The following FGGY variants were observed in gnomAD, a reference collection of about 807,000 sequenced individuals.
FGGY encodes the protein FGGY carbohydrate kinase domain-containing protein.
In FGGY, 72 loss-of-function variants were observed where a neutral mutation model predicts 71.3. The observed-to-expected ratio is 1.01, with a 90% CI of 0.84 to 1.23. The LOEUF (loss-of-function observed/expected upper bound fraction) is 1.23. Ranked by LOEUF, FGGY falls within the 50% of genes most tolerant of loss-of-function variation. The pLI is 0.00. For synonymous variants in FGGY, 251 were observed against 250.3 expected (o/e 1.00, Z -0.02); for missense variants, 668 against 682.3 (o/e 0.98, Z 0.23).
chr1:59,720,843 G>T (rs1276722895), intron 14 of FGGY, among the ~76,000 whole-genome samples: 1 of 152,010 alleles, frequency 6.6e-6, no homozygotes, highest in African/African-American at 2.4e-5. Flanking sequence ...TTCTTTTCAG[G>T]ACCTGCAAAG....
intron 7 of FGGY, among the ~76,000 whole-genome samples, chr1:59,537,529 G>C (rs187298724): frequency 1.5e-3 from 234 of 152,176 alleles, no homozygotes; most frequent in African/African-American, 5.4e-3. Flanking sequence ...AAAAGAGCCC[G>C]CATCACCAAG....
intron 14 of FGGY, among the ~76,000 whole-genome samples, chr1:59,694,935 AC>A (rs1220218992): frequency 1.3e-5 from 2 of 152,324 alleles, no homozygotes; most frequent in South Asian, 2.1e-4. Context: ...TCCCAAATTT[AC>A]TTGATCGAAG....
At chr1:59,699,414 G>GT (rs1202573589) in intron 14 of FGGY, 29 of 985,058 alleles carry the variant, frequency 2.9e-5, no homozygotes, top group Non-Finnish European at 3.3e-5. Context: ...GCTTCTGTTA[G>GT]TTTTGCAATA....
At chr1:59,403,129 TA>T (rs2062203153) in intron 5 of FGGY, among the ~76,000 whole-genome samples, 1 of 152,146 alleles carries the variant, frequency 6.6e-6, no homozygotes, top group Non-Finnish European at 1.5e-5. Flanking sequence ...AGTCAAAGAG[TA>T]AAAGAAGCTA....
intron 14 of FGGY, among the ~76,000 whole-genome samples, chr1:59,708,527 G>A (rs574186169): frequency 1.4e-4 from 21 of 152,272 alleles, no homozygotes; most frequent in African/African-American, 5.1e-4. Context: ...TGAGAAAGAG[G>A]AAAGGGACAA....
chr1:59,359,099 C>A (rs975284472), intron 4 of FGGY, among the ~76,000 whole-genome samples: 1 of 152,198 alleles, frequency 6.6e-6, no homozygotes, highest in East Asian at 1.9e-4. Context: ...ATCATTGGAG[C>A]TTACCTAAGT....
chr1:59,469,039 G>A (rs1288490923), intron 6 of FGGY, among the ~76,000 whole-genome samples: 2 of 152,038 alleles, frequency 1.3e-5, no homozygotes, highest in East Asian at 1.9e-4. Context: ...TTGGAATCTG[G>A]CTAGACTTTG....
chr1:59,340,813 G>GA (rs1483841168), intron 3 of FGGY, among the ~76,000 whole-genome samples: 1 of 152,156 alleles, frequency 6.6e-6, no homozygotes, highest in Non-Finnish European at 1.5e-5. Flanking sequence ...CCAGGTTTGA[G>GA]AAAAACCACT....
chr1:59,461,156 G>T (rs770787819), intron 6 of FGGY, among the ~76,000 whole-genome samples: 8 of 152,130 alleles, frequency 5.3e-5, no homozygotes, highest in Non-Finnish European at 1.0e-4. Context: ...CCATCGCAAG[G>T]AAGCTAAAAA....
chr1:59,401,019 T>C (rs1378810872), intron 5 of FGGY, among the ~76,000 whole-genome samples: 1 of 152,186 alleles, frequency 6.6e-6, no homozygotes, highest in African/African-American at 2.4e-5. Context: ...TTATAATATC[T>C]CATTTTAGTA....
chr1:59,572,823 T>G (rs938596619), intron 8 of FGGY, among the ~76,000 whole-genome samples: 1 of 152,212 alleles, frequency 6.6e-6, no homozygotes, highest in Non-Finnish European at 1.5e-5. Flanking sequence ...TAGAGATATC[T>G]GGAGAGAGAG....
chr1:59,628,182 C>T (rs985915866), intron 10 of FGGY, among the ~76,000 whole-genome samples: 2 of 152,086 alleles, frequency 1.3e-5, no homozygotes, highest in Non-Finnish European at 2.9e-5. Flanking sequence ...TGGCAGACAC[C>T]ACCTTACCCA....
chr1:59,534,024 A>C (rs555057320), intron 7 of FGGY, among the ~76,000 whole-genome samples: 9 of 152,340 alleles, frequency 5.9e-5, no homozygotes, highest in African/African-American at 2.2e-4. Context: ...CAGACGATCA[A>C]ATTACTCCGA....
At chr1:59,730,210 G>A (rs931566414) in intron 14 of FGGY, among the ~76,000 whole-genome samples, 3 of 152,094 alleles carry the variant, frequency 2.0e-5, no homozygotes, top group African/African-American at 4.8e-5. Flanking sequence ...TGACTGTCTG[G>A]GTTGTCCTTT....
intron 9 of FGGY, among the ~76,000 whole-genome samples, chr1:59,612,674 A>G (rs2096701108): frequency 6.6e-6 from 1 of 152,242 alleles, no homozygotes; most frequent in Non-Finnish European, 1.5e-5. Flanking sequence ...AATGGGCTAA[A>G]TGCTCCAATT....
chr1:59,468,523 A>G lies in FGGY; in HGVS notation c.670+11447A>G, dbSNP rs564789831. 7.2e-5 allele frequency among the ~76,000 whole-genome samples: 11 copies of G among 152,300 alleles called. No individual in the cohort carries two copies. In the South Asian group the frequency reaches 2.1e-3, roughly 29 times the overall value. On this transcript the variant is annotated intron_variant, in intron 6 of 15. Coordinates refer to ENST00000303721, the MANE Select transcript of FGGY (RefSeq NM_018291.5). The stretch of plus-strand genomic sequence containing the variant: ...TTTTTCATAGAGTAAAATAAACTGA[A>G]CATTAAATGAAGCTACACTTTAGAT...
intron 15 of FGGY, among the ~76,000 whole-genome samples, chr1:59,761,958 G>A (rs368845223): frequency 3.9e-5 from 6 of 152,170 alleles, no homozygotes; most frequent in African/African-American, 1.4e-4. Context: ...ATTAAGTCCG[G>A]CCTTTTTGTA....
intron 7 of FGGY, among the ~76,000 whole-genome samples, chr1:59,525,960 T>C (rs2094965176): frequency 6.6e-6 from 1 of 152,240 alleles, no homozygotes; most frequent in African/African-American, 2.4e-5. Context: ...TAGTTGTGCA[T>C]GCATATGCAT....
At chr1:59,727,250 C>G (rs1243388878) in intron 14 of FGGY, among the ~76,000 whole-genome samples, 1 of 152,168 alleles carries the variant, frequency 6.6e-6, no homozygotes, top group African/African-American at 2.4e-5. Context: ...GCATAGTAAT[C>G]TGTGATGTAC....
Sources: allele counts gnomAD v4.1 joint callset (sites outside exome capture counted in the v4.1 genomes callset), GRCh38; gene constraint gnomAD v4.1.1; transcripts MANE v1.5; gene names NCBI Gene and HGNC (gene_info 2026-07-23, HGNC 2026-07-21).